Variants in APOL4 observed in about 807,000 individuals in gnomAD.
The protein encoded by APOL4 is apolipoprotein L4.
A neutral mutation model predicts 12.1 loss-of-function variants in APOL4; 14 were observed. The observed-to-expected ratio is 1.16, with a 90% confidence interval of 0.76 to 1.81. APOL4 has a LOEUF of 1.81. Among genes scored for constraint, APOL4 ranks in the 40% most tolerant of loss-of-function variants. The pLI, the probability that APOL4 is intolerant of heterozygous loss-of-function variation, is 0.00. For missense variants in APOL4, 432 were observed against 423.1 expected, an observed-to-expected ratio of 1.02 and a Z score of -0.18; for synonymous variants, 171 against 160.6, an observed-to-expected ratio of 1.06 and a Z score of -0.49.
Position 36,191,286 on chromosome 22 carries a change from G to A in APOL4, c.836C>T (p.Thr279Ile), listed in dbSNP as rs2014238912. 1.9e-6 allele frequency: 3 copies of A among 1,614,026 alleles called. No individual in the cohort carries two copies. Among genetic ancestry groups the A allele is most frequent in the Non-Finnish European group, 2.5e-6 (3 of 1,179,904 alleles). The change falls in exon 4 of 4, where the codon ACC becomes ATC. Residue 279 changes from threonine (T) to isoleucine (I), a missense_variant. Transcript: ENST00000683024. ...VETLRTRGAP[T>I]RIVRKVARNL... ...CCGGGCTACTTTTCTCACTATCCGG[G>A]TGGGGGCCCCACGTGTTCTCAGTGT...
rs536811185 is a variant in APOL4, at chr22:36,191,881, T to A, written c.241A>T (p.Lys81Ter). 36 of 1,608,024 alleles carry A rather than the reference T, an allele frequency of 2.2e-5. No homozygotes were observed. The Admixed American group carries it at 4.5e-4, about 20-fold the overall frequency. The part of the protein sequence containing the change: ...EEADALYEAL[K>*]NLTPYVAIED... ...ATAGCCACATATGGTGTAAGATTCT[T>A]CAGAGCTTCATAGAGAGCATCTGCC... The change falls in exon 4 of 4, where the codon AAG becomes TAG. Residue 81 changes from lysine to a stop codon, truncating the protein, a stop_gained. Transcript: ENST00000683024. LOFTEE classifies it low-confidence loss of function (END_TRUNC).
upstream of APOL4, among the ~76,000 whole-genome samples, chr22:36,203,743 C>T (rs1484850093): frequency 2.0e-5 from 3 of 152,188 alleles, no homozygotes; most frequent in African/African-American, 4.8e-5. Context: ...TATGGACAGG[C>T]GCCCCCCTGC....
chr22:36,198,418 C>T (rs978434793), intron 2 of APOL4, among the ~76,000 whole-genome samples: 1 of 152,228 alleles, frequency 6.6e-6, no homozygotes, highest in Admixed American at 6.5e-5. Flanking sequence ...ACAAAACCTC[C>T]TCCAGTTTGG....
At chr22:36,202,627 G>A (rs575557658), upstream of APOL4, among the ~76,000 whole-genome samples, 57 of 152,184 alleles carry the variant, frequency 3.7e-4, no homozygotes, top group African/African-American at 1.3e-3. Flanking sequence ...TCGGGAGGCT[G>A]AGGCAGGAGA....
At chr22:36,200,437 TCTAAGATC>T (rs1168506661) in intron 1 of APOL4, among the ~76,000 whole-genome samples, 1 of 152,212 alleles carries the variant, frequency 6.6e-6, no homozygotes, top group Non-Finnish European at 1.5e-5. Flanking sequence ...CCCTTGCTTC[TCTAAGATC>T]CTTTGTCCCA....
Position 36,191,072 on chromosome 22 carries a change from G to A in APOL4, c.*3C>T, listed in dbSNP as rs1255104391. On this transcript the variant is annotated 3_prime_UTR_variant, in exon 4 of 4. Transcript: ENST00000683024. ...GGTCCCTGACTTCCCGCAACAATTG[G>A]GCCTAGCCTGCTTTTAGACTCTGAT... 1 of 1,589,262 alleles carries A rather than the reference G, an allele frequency of 6.3e-7. No individual in the cohort carries two copies. The highest frequency in any genetic ancestry group is 1.1e-5 in the South Asian group (1 of 87,802).
intron 3 of APOL4, among the ~76,000 whole-genome samples, chr22:36,192,339 C>CA (rs978631474): frequency 4.0e-5 from 6 of 151,174 alleles, no homozygotes; most frequent in South Asian, 2.1e-4. Context: ...GACTCCATCT[C>CA]AAAAAAAAAT....
At chr22:36,199,831 C>A (rs971500022) in intron 1 of APOL4, among the ~76,000 whole-genome samples, 2 of 151,424 alleles carry the variant, frequency 1.3e-5, no homozygotes, top group Admixed American at 6.6e-5. Context: ...TTTTTTGAGA[C>A]GGAGTCTCGC....
intron 2 of APOL4, chr22:36,197,743 ACTC>A: frequency 6.4e-7 from 1 of 1,550,394 alleles, no homozygotes; most frequent in South Asian, 1.2e-5. Flanking sequence ...AAGAACAAGA[ACTC>A]CAGGCAGCAG....
chr22:36,193,034 A>G (rs2014307177), intron 3 of APOL4, among the ~76,000 whole-genome samples: 3 of 152,202 alleles, frequency 2.0e-5, no homozygotes. Context: ...GCCCCAGCTC[A>G]GCAAGAATCC....
At chr22:36,199,137 C>A (rs1310862846) in intron 2 of APOL4, among the ~76,000 whole-genome samples, 193 bp downstream of exon 2, 1 of 152,204 alleles carries the variant, frequency 6.6e-6, no homozygotes, top group Non-Finnish European at 1.5e-5. Flanking sequence ...GCAGATGCCC[C>A]CCAGAACCCT....
In APOL4 at chr22:36,201,779, C is replaced by T. The variant is rs145941443; in HGVS notation, c.-45G>A. On this transcript the variant is annotated 5_prime_UTR_variant, in exon 1 of 4. Transcript: ENST00000683024. Reference sequence around the variant, plus strand: ...CCTGGCTCAGACGCTGATCTGGGGCCTCTGCTGAATGTTGAGGCTGGATAC... The same window carrying T: ...CCTGGCTCAGACGCTGATCTGGGGCTTCTGCTGAATGTTGAGGCTGGATAC... 3.6e-5 allele frequency: 57 copies of T among 1,590,860 alleles called. 3 individuals are homozygous for T. In the African/African-American group the frequency reaches 7.1e-4, roughly 20 times the overall value.
At chr22:36,202,211 ATCT>A, upstream of APOL4, 1 of 973,174 alleles carries the variant, frequency 1.0e-6, no homozygotes, top group Non-Finnish European at 1.5e-6. Context: ...GGCTCAAGTG[ATCT>A]TCCTCCTTCA....
Position 36,197,515 on chromosome 22 carries a change from A to G in APOL4, c.82+1815T>C, listed in dbSNP as rs185173244. 2.1e-4 allele frequency: 276 copies of G among 1,334,278 alleles called. 1 individual carries two copies. The Middle Eastern group carries it at 3.1e-3, about 15-fold the overall frequency. The allele number at this position is 1,334,278 out of a possible 1,614,324, so 82.7% of individuals were successfully genotyped here. On this transcript the variant is annotated intron_variant, in intron 2 of 3. Coordinates refer to ENST00000683024, the MANE Select transcript of APOL4 (RefSeq NM_001386885.1). Reference sequence around the variant, plus strand: ...GGATGGTGAATATTAAAGCAAAATTAAAATAAAAACCAGACCTGAAACATT... The same window carrying G: ...GGATGGTGAATATTAAAGCAAAATTGAAATAAAAACCAGACCTGAAACATT...
intron 1 of APOL4, among the ~76,000 whole-genome samples, chr22:36,200,384 G>A (rs982015036): frequency 5.9e-5 from 9 of 152,074 alleles, no homozygotes; most frequent in African/African-American, 1.4e-4. Context: ...TCAACTTTTC[G>A]TCTTGGTGAA....
In APOL4 at chr22:36,191,916, T is replaced by C. The variant is rs570294062; in HGVS notation, c.210-4A>G. On this transcript the variant is annotated splice_region_variant and splice_polypyrimidine_tract_variant and intron_variant, in intron 3 of 3. Transcript: ENST00000683024. ...ATAGAGAGCATCTGCCTCTTCCCTG[T>C]ACCAATAAAGGACAGATGATTAAGA... The C allele has an allele frequency of 1.3e-6, 2 of 1,579,494 alleles. No individual in the cohort carries two copies. Among genetic ancestry groups the C allele is most frequent in the East Asian group, 4.5e-5 (2 of 44,676 alleles).
upstream of APOL4, among the ~76,000 whole-genome samples, chr22:36,204,029 C>A (rs564662056): frequency 2.6e-5 from 4 of 152,294 alleles, no homozygotes; most frequent in Non-Finnish European, 4.4e-5. Context: ...CTATGATCTA[C>A]CTGCTCAGCC....
intron 3 of APOL4, chr22:36,195,102 T>C: frequency 3.6e-6 from 2 of 550,858 alleles, no homozygotes; most frequent in East Asian, 3.3e-5. Flanking sequence ...GACCCTGCCC[T>C]TGTGGGCTTC....
upstream of APOL4, among the ~76,000 whole-genome samples, chr22:36,203,498 A>G (rs4820221): frequency 0.31 from 47,024 of 152,124 alleles, 7,985 homozygotes; most frequent in Non-Finnish European, 0.39. Flanking sequence ...TGCGTCAGTA[A>G]TTTCTAACAG....
Sources: allele counts gnomAD v4.1 joint callset (sites outside exome capture counted in the v4.1 genomes callset), GRCh38; gene constraint gnomAD v4.1.1; transcripts MANE v1.5; gene names NCBI Gene and HGNC (gene_info 2026-07-23, HGNC 2026-07-21).